Variants in PARP8 observed in about 807,000 individuals in gnomAD.
PARP8 encodes protein mono-ADP-ribosyltransferase PARP8.
Under a neutral mutation model 124.1 loss-of-function variants are expected in PARP8, and 51 were observed. That is an observed-to-expected ratio of 0.41 (90% CI 0.33 to 0.52). PARP8 has a LOEUF of 0.52. PARP8 is among the 20% of genes least tolerant of loss of function. The probability of loss-of-function intolerance (pLI) is 0.21; values close to 1 mark genes in which losing one functional copy is unlikely to be tolerated. For synonymous variants in PARP8, 391 were observed against 361.5 expected (o/e 1.08, Z -0.93); for missense variants, 860 against 1,018.9 (o/e 0.84, Z 2.12).
intron 10 of PARP8, among the ~76,000 whole-genome samples, chr5:50,788,931 G>A (rs2149634964): frequency 6.6e-6 from 1 of 152,232 alleles, no homozygotes; most frequent in Non-Finnish European, 1.5e-5. Context: ...AGTACTTACT[G>A]CTCTGGTTTC....
intron 9 of PARP8, 138 bp from the exon 10 acceptor site, chr5:50,788,385 G>A (rs1456368413): frequency 6.2e-6 from 4 of 644,804 alleles, no homozygotes; most frequent in South Asian, 2.0e-5. Flanking sequence ...AAATAGCATT[G>A]TTTAGGACTG....
chr5:50,667,528 A>G, intron 1 of PARP8: 1 of 700,116 alleles, frequency 1.4e-6, no homozygotes, highest in Non-Finnish European at 2.6e-6. Context: ...CAGCGGCGGC[A>G]GAGCGGGGTT....
Position 50,704,441 on chromosome 5 carries a change from A to G in PARP8, c.146+36316A>G, listed in dbSNP as rs6873222. ...GCACGTGCTCACTTACCTTATTTGAATCTTCACTCCTTATATGCTCACCTC... is the reference window on the plus strand; with the variant it reads ...GCACGTGCTCACTTACCTTATTTGAGTCTTCACTCCTTATATGCTCACCTC... On this transcript the variant is annotated intron_variant, in intron 2 of 25. Coordinates refer to ENST00000281631, the MANE Select transcript of PARP8 (RefSeq NM_024615.4). Among the ~76,000 whole-genome samples the G allele has an allele frequency of 4.2e-3, 638 of 152,234 alleles. 3 individuals are homozygous for G. Among genetic ancestry groups the G allele is most frequent in the African/African-American group, 0.015 (609 of 41,544 alleles).
At chr5:50,814,079 C>T (rs1370381329) in intron 14 of PARP8, among the ~76,000 whole-genome samples, 1 of 152,052 alleles carries the variant, frequency 6.6e-6, no homozygotes, top group Non-Finnish European at 1.5e-5. Flanking sequence ...TTTATGATAT[C>T]TAAGGTTTAT....
intron 22 of PARP8, among the ~76,000 whole-genome samples, chr5:50,832,508 T>C (rs2149719217): frequency 6.6e-6 from 1 of 152,212 alleles, no homozygotes; most frequent in South Asian, 2.1e-4. Context: ...AAAAGCCTTT[T>C]AAAATCAAGT....
At chr5:50,735,413 C>T (rs992028930) in intron 2 of PARP8, among the ~76,000 whole-genome samples, 3 of 152,066 alleles carry the variant, frequency 2.0e-5, no homozygotes, top group Admixed American at 2.0e-4. Flanking sequence ...AATTCTCTTA[C>T]AATGATTTGT....
At chr5:50,787,928 A>G (rs1198649134) in intron 9 of PARP8, among the ~76,000 whole-genome samples, 2 of 149,882 alleles carry the variant, frequency 1.3e-5, no homozygotes, top group Non-Finnish European at 3.0e-5. Flanking sequence ...ATATGTACAT[A>G]CATACATATA....
intron 2 of PARP8, among the ~76,000 whole-genome samples, chr5:50,670,702 T>G (rs1264511069): frequency 6.6e-6 from 1 of 152,222 alleles, no homozygotes; most frequent in Non-Finnish European, 1.5e-5. Context: ...TCAGAGAGTT[T>G]AAGACACATA....
At chr5:50,716,916 T>G (rs1755379192) in intron 2 of PARP8, among the ~76,000 whole-genome samples, 1 of 152,092 alleles carries the variant, frequency 6.6e-6, no homozygotes, top group Non-Finnish European at 1.5e-5. Context: ...ATTCCATCCA[T>G]AAATTCATTT....
chr5:50,755,397 A>G (rs957918827), intron 3 of PARP8, among the ~76,000 whole-genome samples: 9 of 152,204 alleles, frequency 5.9e-5, no homozygotes, highest in African/African-American at 2.2e-4. Flanking sequence ...CTTTCCACAT[A>G]TGGCTAGCCA....
chr5:50,754,164 CACACACACACACACACATAT>C (rs1759629288), intron 3 of PARP8, among the ~76,000 whole-genome samples: 1 of 72,360 alleles, frequency 1.4e-5, no homozygotes, highest in South Asian at 5.3e-4. Context: ...CACACACACA[CACACACACACACACACATAT>C]ATATATATTT....
In PARP8 at chr5:50,763,212, A is replaced by T. The variant is rs1421900659; in HGVS notation, c.488A>T (p.Glu163Val). The part of the protein sequence containing the change: ...QLEADLSAVR[E>V]IYGPHAVSLR... ...GAAGCTGATTTGTCAGCAGTTAGAG[A>T]GATATATGGGCCACATGCAGTTTCT... Residue 163 changes from glutamate to valine, a missense_variant, in exon 7 of 26, where the codon GAG becomes GTG. Physicochemically the swap from Glu to Val is moderately radical, Grantham distance 121 (BLOSUM62 -2). Around this residue, in one of 2 missense-constraint regions of PARP8, gnomAD observed 517 missense variants for 544.2 expected, o/e 0.95. Transcript: ENST00000281631. 1 of 1,613,262 alleles carries T rather than the reference A, an allele frequency of 6.2e-7. No individual in the cohort carries two copies. Among genetic ancestry groups the T allele is most frequent in the East Asian group, 2.2e-5 (1 of 44,846 alleles).
intron 2 of PARP8, among the ~76,000 whole-genome samples, chr5:50,723,304 AT>A (rs1433365687): frequency 1.3e-5 from 2 of 152,246 alleles, no homozygotes; most frequent in East Asian, 3.9e-4. Context: ...AAGGTATTAA[AT>A]ATCTCTCAAG....
intron 3 of PARP8, among the ~76,000 whole-genome samples, chr5:50,756,259 C>T (rs996316704): frequency 6.6e-6 from 1 of 152,054 alleles, no homozygotes; most frequent in African/African-American, 2.4e-5. Context: ...TGTCTTGTGC[C>T]AGTTTTCAAA....
chr5:50,789,982 CAT>C (rs1350474310), intron 10 of PARP8, among the ~76,000 whole-genome samples: 1 of 152,040 alleles, frequency 6.6e-6, no homozygotes, highest in African/African-American at 2.4e-5. Flanking sequence ...TAGGAAGCCA[CAT>C]ATATGATATC....
chr5:50,821,460 A>G (rs140383747), intron 16 of PARP8, 122 bp downstream of exon 16: 37 of 1,069,098 alleles, frequency 3.5e-5, no homozygotes, highest in Non-Finnish European at 4.5e-5. Context: ...AAGCATATCC[A>G]TGAGTATTTA....
At chr5:50,825,911 C>T (rs1216905503) in intron 18 of PARP8, among the ~76,000 whole-genome samples, 7 of 152,100 alleles carry the variant, frequency 4.6e-5, no homozygotes, top group East Asian at 1.9e-4. Context: ...TTAATTTAGT[C>T]TAACAAGATT....
chr5:50,694,871 C>T (rs770937945), intron 2 of PARP8, among the ~76,000 whole-genome samples: 1 of 152,190 alleles, frequency 6.6e-6, no homozygotes, highest in Non-Finnish European at 1.5e-5. Context: ...TAGCATATCA[C>T]TGGTGTAAGT....
intron 7 of PARP8, among the ~76,000 whole-genome samples, chr5:50,764,691 T>C (rs1311193059): frequency 3.3e-5 from 5 of 152,202 alleles, no homozygotes; most frequent in Non-Finnish European, 5.9e-5. Context: ...TAATTTTACA[T>C]TGATCTCTGT....
Sources: gnomAD v4.1 joint callset for allele counts (sites outside exome capture counted in the v4.1 genomes callset) on GRCh38, gnomAD v4.1.1 for gene constraint, gnomAD v4.1.1 regional missense constraint, MANE v1.5 for transcripts, NCBI Gene and HGNC (gene_info 2026-07-23, HGNC 2026-07-21) for gene names.